The following NKAIN2 variants were observed in gnomAD, a reference collection of about 807,000 sequenced individuals.
NKAIN2 encodes the protein sodium/potassium-transporting ATPase subunit beta-1-interacting protein 2.
In NKAIN2, 14 loss-of-function variants were observed where a neutral mutation model predicts 32.6. The observed-to-expected ratio is 0.43, with a 90% CI of 0.28 to 0.67. The LOEUF (loss-of-function observed/expected upper bound fraction) is 0.67, where lower values mean the gene tolerates loss of function less well. Ranked by LOEUF, NKAIN2 falls within the 30% of genes least tolerant of loss-of-function variation. The probability of loss-of-function intolerance (pLI) is 0.17; values close to 1 mark genes in which losing one functional copy is unlikely to be tolerated. For synonymous variants in NKAIN2, 80 were observed against 87.2 expected, an observed-to-expected ratio of 0.92 and a Z score of 0.46; for missense variants, 198 against 258.3, an observed-to-expected ratio of 0.77 and a Z score of 1.60.
At chr6:124,315,698 A>AGGG (rs1243816193) in intron 2 of NKAIN2, among the ~76,000 whole-genome samples, 1 of 152,152 alleles carries the variant, frequency 6.6e-6, no homozygotes, top group Non-Finnish European at 1.5e-5. Context: ...GCATTGGAGA[A>AGGG]AAGATATTAT....
chr6:124,416,264 G>A (rs1474707550), intron 3 of NKAIN2, among the ~76,000 whole-genome samples: 1 of 152,056 alleles, frequency 6.6e-6, no homozygotes, highest in East Asian at 1.9e-4. Flanking sequence ...AGTTTATCTG[G>A]ATCATAAAAA....
chr6:123,876,031 A>T (rs543054419), intron 1 of NKAIN2, among the ~76,000 whole-genome samples: 42 of 152,194 alleles, frequency 2.8e-4, no homozygotes, highest in Admixed American at 2.7e-3. Flanking sequence ...CAATATGTGT[A>T]TATACACACC....
chr6:124,069,503 C>A (rs960317819), intron 1 of NKAIN2, among the ~76,000 whole-genome samples: 11 of 152,028 alleles, frequency 7.2e-5, no homozygotes, highest in African/African-American at 2.7e-4. Flanking sequence ...CAGCCTCATT[C>A]TGTTTTTATA....
intron 3 of NKAIN2, among the ~76,000 whole-genome samples, chr6:124,504,611 C>T (rs891775650): frequency 3.3e-5 from 5 of 152,114 alleles, no homozygotes; most frequent in Admixed American, 2.6e-4. Flanking sequence ...AGTCATTTTT[C>T]AAGTAATCAA....
At chr6:124,195,613 G>T (rs1442770634) in intron 1 of NKAIN2, among the ~76,000 whole-genome samples, 1 of 152,114 alleles carries the variant, frequency 6.6e-6, no homozygotes, top group Non-Finnish European at 1.5e-5. Flanking sequence ...ATACAAGTGA[G>T]AAACTTGGAT....
intron 3 of NKAIN2, among the ~76,000 whole-genome samples, chr6:124,588,867 A>G (rs1462540513): frequency 1.3e-5 from 2 of 151,992 alleles, no homozygotes; most frequent in Non-Finnish European, 2.9e-5. Flanking sequence ...TCTGGAAAAT[A>G]TTTTCTATCT....
At chr6:124,105,014 T>C (rs549021568) in intron 1 of NKAIN2, among the ~76,000 whole-genome samples, 2 of 152,184 alleles carry the variant, frequency 1.3e-5, no homozygotes, top group East Asian at 1.9e-4. Context: ...ACATATCTAA[T>C]TGGATGCGGT....
intron 3 of NKAIN2, among the ~76,000 whole-genome samples, chr6:124,604,282 A>T (rs1239265146): frequency 6.6e-6 from 1 of 151,956 alleles, no homozygotes; most frequent in East Asian, 1.9e-4. Flanking sequence ...ATTAAATAGG[A>T]ATACTAAAAT....
intron 1 of NKAIN2, among the ~76,000 whole-genome samples, chr6:123,967,373 G>A (rs778755734): frequency 5.3e-5 from 8 of 152,158 alleles, no homozygotes; most frequent in East Asian, 3.8e-4. Flanking sequence ...TTTCTTCATG[G>A]CATCTAGCCG....
intron 1 of NKAIN2, among the ~76,000 whole-genome samples, chr6:124,269,869 T>A (rs143659072): frequency 2.3e-3 from 353 of 152,250 alleles, no homozygotes; most frequent in Admixed American, 3.9e-3. Flanking sequence ...TGATTGGCCT[T>A]TAGCAGTCAG....
At chr6:124,802,871 A>G (rs1349908809) in intron 5 of NKAIN2, among the ~76,000 whole-genome samples, 1 of 152,112 alleles carries the variant, frequency 6.6e-6, no homozygotes, top group Non-Finnish European at 1.5e-5. Flanking sequence ...CTCATTATCT[A>G]TCTCCAGAAT....
At chr6:124,335,499 C>A (rs765824040) in intron 2 of NKAIN2, among the ~76,000 whole-genome samples, 2 of 152,066 alleles carry the variant, frequency 1.3e-5, no homozygotes, top group Non-Finnish European at 2.9e-5. Context: ...GAAATGAAGG[C>A]TGGGGGATAG....
At chr6:124,473,741 T>G (rs688197) in intron 3 of NKAIN2, among the ~76,000 whole-genome samples, 119,167 of 152,096 alleles carry the variant, frequency 0.78, 46,817 homozygotes, top group East Asian at 0.86. Flanking sequence ...ATCTAAGGCT[T>G]TATGACTTCT....
At chr6:123,821,004 A>G (rs1423173631) in intron 1 of NKAIN2, among the ~76,000 whole-genome samples, 3 of 152,234 alleles carry the variant, frequency 2.0e-5, no homozygotes, top group Non-Finnish European at 4.4e-5. Flanking sequence ...CTGTTTCACA[A>G]TGAATTGGCC....
intron 3 of NKAIN2, among the ~76,000 whole-genome samples, chr6:124,454,104 T>C (rs1776226458): frequency 1.2e-5 from 1 of 86,860 alleles, no homozygotes; most frequent in Admixed American, 1.1e-4. Flanking sequence ...GGGTTTTTTT[T>C]TTGGGGGGGG....
chr6:123,998,571 T>G (rs1299872638), intron 1 of NKAIN2, among the ~76,000 whole-genome samples: 1 of 152,044 alleles, frequency 6.6e-6, no homozygotes, highest in African/African-American at 2.4e-5. Context: ...TTTCGTAAGA[T>G]TAGTATCCAA....
At chr6:123,909,155 T>A (rs1032543243) in intron 1 of NKAIN2, among the ~76,000 whole-genome samples, 1 of 152,134 alleles carries the variant, frequency 6.6e-6, no homozygotes. Flanking sequence ...CTAACCTGTC[T>A]CTGAGTCTTC....
rs888856391 is a variant in NKAIN2 at position 124,701,138 on chromosome 6, T to TAC, written c.474+42765_474+42766dup. 3.7e-4 allele frequency among the ~76,000 whole-genome samples: 44 copies of TAC among 118,962 alleles called. No homozygotes were observed. In the East Asian group the frequency reaches 3.8e-3, roughly 10 times the overall value. 78.0% of individuals were successfully genotyped at this position (118,962 alleles called of 152,430 possible). A position where few individuals can be genotyped will look rare whatever the true frequency, so the allele number is the denominator to read the frequency against. On this transcript the variant is annotated intron_variant, in intron 4 of 6. Coordinates refer to ENST00000368417, the MANE Select transcript of NKAIN2 (RefSeq NM_001040214.3). Reference sequence around the variant, plus strand: ...TAGTTGATAAAACTAAGGAGAGAGATACACACACACACACGCACACACACA... The same window carrying TAC: ...TAGTTGATAAAACTAAGGAGAGAGATACACACACACACACACGCACACACACA...
At chr6:124,429,955 G>A (rs1775143473) in intron 3 of NKAIN2, among the ~76,000 whole-genome samples, 1 of 152,060 alleles carries the variant, frequency 6.6e-6, no homozygotes, top group East Asian at 1.9e-4. Flanking sequence ...GATGAATAAA[G>A]AGACATTAAA....
Sources: gnomAD v4.1 joint callset for allele counts (sites outside exome capture counted in the v4.1 genomes callset) on GRCh38, gnomAD v4.1.1 for gene constraint, MANE v1.5 for transcripts, NCBI Gene and HGNC (gene_info 2026-07-23, HGNC 2026-07-21) for gene names.